The following NINL variants were observed in gnomAD, a reference collection of about 807,000 sequenced individuals.
NINL encodes ninein-like protein.
In NINL, 153 loss-of-function variants were observed where a neutral mutation model predicts 160.3. That is an observed-to-expected ratio of 0.95 (90% CI 0.84 to 1.09). The LOEUF is 1.09. Among genes scored for constraint, NINL ranks in the 50% least tolerant of loss-of-function variants. The pLI is 0.00. For synonymous variants in NINL, 800 were observed against 734.8 expected (o/e 1.09, Z -1.43); for missense variants, 1,829 against 1,764.0 (o/e 1.04, Z -0.66).
intron 5 of NINL, among the ~76,000 whole-genome samples, chr20:25,508,700 G>A (rs1055550860): frequency 1.3e-5 from 2 of 152,206 alleles, no homozygotes; most frequent in Admixed American, 6.5e-5. Flanking sequence ...GAGGGCTCTC[G>A]GCATTCAGCC....
intron 22 of NINL, among the ~76,000 whole-genome samples, chr20:25,456,134 T>C (rs572923171): frequency 1.3e-5 from 2 of 149,168 alleles, no homozygotes; most frequent in African/African-American, 2.5e-5. Flanking sequence ...TCCCAGCTAC[T>C]TGGGAGGCTG....
chr20:25,468,633 C>A, intron 18 of NINL, among the ~76,000 whole-genome samples: 1 of 147,426 alleles, frequency 6.8e-6, no homozygotes, highest in South Asian at 2.2e-4. Context: ...TGGTGGGCGC[C>A]CCCCTGCCCT....
chr20:25,579,763 C>T (rs776204310), intron 1 of NINL, among the ~76,000 whole-genome samples: 4 of 152,192 alleles, frequency 2.6e-5, no homozygotes, highest in East Asian at 3.9e-4. Context: ...AAGCCACCTG[C>T]GTCCCTCAGG....
At chr20:25,493,044 GCATCCCTC>G (rs1346402068) in intron 10 of NINL, among the ~76,000 whole-genome samples, 1 of 152,134 alleles carries the variant, frequency 6.6e-6, no homozygotes, top group Non-Finnish European at 1.5e-5. Context: ...CACCTCGAAT[GCATCCCTC>G]CACCAGGTTC....
At chr20:25,514,010 T>C (rs2064120169) in intron 3 of NINL, among the ~76,000 whole-genome samples, 1 of 152,160 alleles carries the variant, frequency 6.6e-6, no homozygotes, top group Admixed American at 6.5e-5. Flanking sequence ...TACATGAAAA[T>C]GTGGAAACAG....
chr20:25,542,407 T>C (rs2064677372), intron 1 of NINL, among the ~76,000 whole-genome samples: 1 of 151,836 alleles, frequency 6.6e-6, no homozygotes, highest in Admixed American at 6.6e-5. Flanking sequence ...TGTACAATCA[T>C]ACACATCAGA....
chr20:25,473,087 G>A lies in NINL; in HGVS notation c.3248+2956C>T, dbSNP rs549715534. Reference sequence around the variant, plus strand: ...CACAGATCAATCGCACAACCAGGTTGAGCCAAGAAAGTCAGACACAGAAGA... The same window carrying A: ...CACAGATCAATCGCACAACCAGGTTAAGCCAAGAAAGTCAGACACAGAAGA... On this transcript the variant is annotated intron_variant, in intron 17 of 23. Coordinates refer to ENST00000278886, the MANE Select transcript of NINL (RefSeq NM_025176.6). 6.6e-5 allele frequency among the ~76,000 whole-genome samples: 10 copies of A among 152,274 alleles called. No individual in the cohort carries two copies. In the South Asian group the frequency reaches 2.1e-3, roughly 32 times the overall value.
Position 25,489,290 on chromosome 20 carries a change from T to C in NINL, c.1631A>G (p.Glu544Gly). The change falls in exon 13 of 24, where the codon GAG (glutamate) becomes GGG (glycine). Residue 544 changes from glutamate (E) to glycine (G), a missense_variant. Physicochemically the swap from Glu to Gly is moderately conservative, Grantham distance 98. Transcript: ENST00000278886. The stretch of plus-strand genomic sequence containing the variant: ...CTTCAGGACTGCTGCGAACCGCTCC[T>C]CCTGGGCCAGGAGCTCTGCACTCTG... ...EPQSAELLAQ[E>G]ERFAAVLKEY... The C allele has an allele frequency of 6.2e-7, 1 of 1,614,082 alleles. No homozygotes were observed. Among genetic ancestry groups the C allele is most frequent in the African/African-American group, 1.3e-5 (1 of 75,034 alleles).
chr20:25,553,910 CTCT>C (rs2064833330), intron 1 of NINL, among the ~76,000 whole-genome samples: 1 of 152,240 alleles, frequency 6.6e-6, no homozygotes, highest in Non-Finnish European at 1.5e-5. Flanking sequence ...AACTGGGAGG[CTCT>C]TCTTGTTGTC....
intron 1 of NINL, among the ~76,000 whole-genome samples, chr20:25,561,529 G>GCCAT: frequency 1.3e-5 from 2 of 149,692 alleles, no homozygotes; most frequent in African/African-American, 2.5e-5. Flanking sequence ...CTGCCTGGCT[G>GCCAT]CCCAGTCTGG....
chr20:25,507,082 C>T (rs1237432517), intron 5 of NINL, among the ~76,000 whole-genome samples: 3 of 152,114 alleles, frequency 2.0e-5, no homozygotes, highest in East Asian at 1.9e-4. Context: ...CTCCCAAATC[C>T]CCATAGCCCA....
intron 16 of NINL, among the ~76,000 whole-genome samples, chr20:25,478,001 T>G (rs1265661174): frequency 6.8e-6 from 1 of 147,444 alleles, no homozygotes; most frequent in African/African-American, 2.5e-5. Context: ...CAGGCTGGAG[T>G]GCAATGGCGA....
At chr20:25,495,604 T>C (rs1157857908) in intron 10 of NINL, among the ~76,000 whole-genome samples, 2 of 152,184 alleles carry the variant, frequency 1.3e-5, no homozygotes, top group African/African-American at 4.8e-5. Context: ...CAGCCATGTC[T>C]TGCTGCCCCT....
At chr20:25,494,082 C>A (rs1303192298) in intron 10 of NINL, among the ~76,000 whole-genome samples, 3 of 151,302 alleles carry the variant, frequency 2.0e-5, no homozygotes, top group Admixed American at 1.3e-4. Flanking sequence ...TACACAGCAC[C>A]CCCCACTGCA....
At chr20:25,504,469 C>A (rs1485424815) in intron 6 of NINL, among the ~76,000 whole-genome samples, 1 of 152,334 alleles carries the variant, frequency 6.6e-6, no homozygotes, top group East Asian at 1.9e-4. Flanking sequence ...AGAACTCCAG[C>A]AAGGCAGACT....
At chr20:25,579,472 C>T (rs536082955) in intron 1 of NINL, among the ~76,000 whole-genome samples, 2 of 152,324 alleles carry the variant, frequency 1.3e-5, no homozygotes, top group South Asian at 4.1e-4. Flanking sequence ...AAGTCATGCA[C>T]GGGGACTGGG....
At position 25,509,710 on chromosome 20, in the gene NINL, G is replaced by T. The variant is rs138074545; in HGVS notation, c.517+964C>A. 1.5e-3 allele frequency: 674 copies of T among 456,752 alleles called. 5 individuals are homozygous for T. The highest frequency in any genetic ancestry group is 0.012 in the African/African-American group (614 of 50,212). 28.3% of individuals were successfully genotyped at this position (456,752 alleles called of 1,614,324 possible). On this transcript the variant is annotated intron_variant, in intron 5 of 23. Transcript: ENST00000278886. Reference sequence around the variant, plus strand: ...CTTTCTTCACTCTTGCAGGCATCATGTAAGTCAGCAGTAACTTCCACAGAA... The same window carrying T: ...CTTTCTTCACTCTTGCAGGCATCATTTAAGTCAGCAGTAACTTCCACAGAA...
At chr20:25,574,504 G>A (rs2065092436) in intron 1 of NINL, among the ~76,000 whole-genome samples, 2 of 152,106 alleles carry the variant, frequency 1.3e-5, no homozygotes, top group African/African-American at 2.4e-5. Flanking sequence ...AATCCACACC[G>A]CTTCCACCCT....
chr20:25,539,666 C>T (rs1015790412), intron 1 of NINL, among the ~76,000 whole-genome samples: 1 of 152,222 alleles, frequency 6.6e-6, no homozygotes, highest in East Asian at 1.9e-4. Context: ...CCTTCCCCTC[C>T]CTCCCTACTT....
Sources: gnomAD v4.1 joint callset for allele counts (sites outside exome capture counted in the v4.1 genomes callset) on GRCh38, gnomAD v4.1.1 for gene constraint, MANE v1.5 for transcripts, NCBI Gene and HGNC (gene_info 2026-07-23, HGNC 2026-07-21) for gene names.